The following PXDN variants were observed in gnomAD, a reference collection of about 807,000 sequenced individuals.
The protein encoded by PXDN is peroxidasin homolog.
A neutral mutation model predicts 140.3 loss-of-function variants in PXDN; 77 were observed. The ratio of observed to expected loss-of-function variants is 0.55; its 90% confidence interval spans 0.46 to 0.66. PXDN has a LOEUF of 0.66. Ranked by LOEUF, PXDN falls within the 30% of genes least tolerant of loss-of-function variation. PXDN has a pLI of 0.00. For synonymous variants in PXDN, 911 were observed against 857.4 expected, an observed-to-expected ratio of 1.06 and a Z score of -1.09; for missense variants, 1,838 against 2,039.5, an observed-to-expected ratio of 0.90 and a Z score of 1.90.
At position 1,648,800 on chromosome 2, in the gene PXDN, C is replaced by T. The variant is rs774337165; in HGVS notation, c.2980G>A (p.Glu994Lys). 2.9e-5 allele frequency: 47 copies of T among 1,602,554 alleles called. No individual in the cohort carries two copies. The highest frequency in any genetic ancestry group is 3.8e-5 in the Non-Finnish European group (45 of 1,175,838). Residue 994 changes from glutamate (E) to lysine (K), a missense_variant, in exon 17 of 23, where the codon GAG becomes AAG. By Grantham distance (56) the Glu-to-Lys change is moderately conservative. This residue lies in a region of PXDN where 850 missense variants were observed against 894.1 expected (regional missense o/e 0.95). Coordinates refer to ENST00000252804, the MANE Select transcript of PXDN (RefSeq NM_012293.3). This position sits in a 1 kb window ranked among gnomAD's most constrained non-coding sequence, Gnocchi z 8.9. Reference sequence around the variant, plus strand: ...AGCTCCGTGGCAATGCGGTTGTGCTCGCGGAACCACAGCGTGTGCATGCTG... The same window carrying T: ...AGCTCCGTGGCAATGCGGTTGTGCTTGCGGAACCACAGCGTGTGCATGCTG... ...LTSMHTLWFREHNRIATELLK... is the reference protein window; with the variant it reads ...LTSMHTLWFRKHNRIATELLK...
At chr2:1,686,967 C>A (rs1331165028) in intron 4 of PXDN, among the ~76,000 whole-genome samples, 1 of 152,014 alleles carries the variant, frequency 6.6e-6, no homozygotes, top group Non-Finnish European at 1.5e-5. Context: ...GCTCAGTTTG[C>A]CGAGTGAAAG....
intron 6 of PXDN, among the ~76,000 whole-genome samples, chr2:1,682,688 C>T (rs1278823092): frequency 6.6e-6 from 1 of 152,166 alleles, no homozygotes; most frequent in East Asian, 1.9e-4. Flanking sequence ...GCCTGTAATC[C>T]CAGCAGTTTG....
intron 9 of PXDN, among the ~76,000 whole-genome samples, chr2:1,668,395 A>C (rs1174449768): frequency 6.6e-6 from 1 of 152,198 alleles, no homozygotes; most frequent in South Asian, 2.1e-4. Flanking sequence ...GGCATGGGCA[A>C]AGACTTTGTG....
intron 1 of PXDN, 94 bp downstream of exon 1, chr2:1,744,135 GCCCCCCGCGCGCCCGATGCCCCCTCCA>G (rs1369154493): frequency 2.8e-6 from 3 of 1,057,734 alleles, no homozygotes; most frequent in Non-Finnish European, 3.7e-6. Context: ...AAGTCCCCAG[GCCCCCCGCGCGCCCGATGCCCCCTCCA>G]CCCTCCGCGC....
intron 1 of PXDN, among the ~76,000 whole-genome samples, chr2:1,720,181 GAGATGCAC>G (rs1464776994): frequency 1.5e-4 from 10 of 68,874 alleles, no homozygotes; most frequent in Non-Finnish European, 2.3e-4. Context: ...CAGAGAGAGA[GAGATGCAC>G]AGAGAGAGGG....
At chr2:1,673,524 G>A in intron 9 of PXDN, 119 bp downstream of exon 9, 6 of 1,343,602 alleles carry the variant, frequency 4.5e-6, no homozygotes, top group Non-Finnish European at 2.1e-6. Context: ...CCTGGTACTG[G>A]AGCTTCAACT....
At chr2:1,654,311 A>G in intron 15 of PXDN, 89 bp downstream of exon 15, 1 of 877,442 alleles carries the variant, frequency 1.1e-6, no homozygotes, top group African/African-American at 1.7e-5. Flanking sequence ...AAATTCATAT[A>G]TTAGAACTGC....
intron 1 of PXDN, among the ~76,000 whole-genome samples, chr2:1,693,680 T>C (rs1684232800): frequency 6.6e-6 from 1 of 152,248 alleles, no homozygotes; most frequent in Non-Finnish European, 1.5e-5. Flanking sequence ...GGTTTTACCC[T>C]AATGGTTCCA....
At chr2:1,656,533 A>AGCTGCCCTCTCCTGACAGAAG (rs1683137013) in intron 14 of PXDN, among the ~76,000 whole-genome samples, 1 of 152,024 alleles carries the variant, frequency 6.6e-6, no homozygotes, top group Non-Finnish European at 1.5e-5. Flanking sequence ...CCTGACAGAA[A>AGCTGCCCTCTCCTGACAGAAG]GCTGCCCCCT....
intron 12 of PXDN, among the ~76,000 whole-genome samples, chr2:1,662,838 C>T (rs1182952921): frequency 6.6e-6 from 1 of 152,176 alleles, no homozygotes; most frequent in Non-Finnish European, 1.5e-5. Flanking sequence ...CTCAGGACAG[C>T]CCCAAAGTGA....
At chr2:1,734,783 C>T (rs1685393602) in intron 1 of PXDN, among the ~76,000 whole-genome samples, 1 of 152,216 alleles carries the variant, frequency 6.6e-6, no homozygotes, top group Admixed American at 6.5e-5. Flanking sequence ...AGGAAAATCA[C>T]TTGAACCTGG....
In PXDN at chr2:1,666,438, C is replaced by G. The variant is rs866761760; in HGVS notation, c.1067G>C (p.Gly356Ala). Residue 356 changes from glycine to alanine, a missense_variant, in exon 10 of 23, where the codon GGG (glycine) becomes GCG (alanine). Physicochemically the swap from Gly to Ala is moderately conservative, Grantham distance 60. Coordinates refer to ENST00000252804, the MANE Select transcript of PXDN (RefSeq NM_012293.3). ...GCTGCACTCCAGCGTGACGCTCTCC[C>G]CAACCAGCACCTCTGTATTCTGTGG... ...IQPQNTEVLV[G>A]ESVTLECSAT... 10 of 1,612,622 alleles carry G rather than the reference C, an allele frequency of 6.2e-6. No homozygotes were observed. In the East Asian group the frequency reaches 1.6e-4, roughly 25 times the overall value.
Position 1,635,534 on chromosome 2 carries a change from A to C in PXDN, c.4207-13T>G. On this transcript the variant is annotated splice_polypyrimidine_tract_variant and intron_variant, in intron 21 of 22. Transcript: ENST00000252804. ...CAAGTTTCTTTATCTGCAGCAATGCAAAGAACATTCATTCATTGGGCACTT... is the reference window on the plus strand; with the variant it reads ...CAAGTTTCTTTATCTGCAGCAATGCCAAGAACATTCATTCATTGGGCACTT... The C allele has an allele frequency of 6.4e-7, 1 of 1,558,740 alleles. No homozygotes were observed. Among genetic ancestry groups the C allele is most frequent in the Admixed American group, 1.9e-5 (1 of 53,014 alleles).
At chr2:1,679,751 TGCGTGTGTGTGGTTTGTATCTGC>T in intron 7 of PXDN, among the ~76,000 whole-genome samples, 1 of 149,874 alleles carries the variant, frequency 6.7e-6, no homozygotes, top group African/African-American at 2.5e-5. Context: ...TGCGTGTATG[TGCGTGTGTGTGGTTTGTATCTGC>T]ATGTGTGTGT....
rs1406136930 is a variant in PXDN at position 1,728,210 on chromosome 2, T to C, written c.200+16046A>G. Among the ~76,000 whole-genome samples the C allele has an allele frequency of 3.3e-5, 5 of 152,354 alleles. No homozygotes were observed. In the East Asian group the frequency reaches 9.6e-4, roughly 29 times the overall value. ...GCCTCAGCCTCCCAAAGTGCTGGGA[T>C]TACAAGCGTGAGCCACTGCACCCAG... is the stretch of plus-strand genomic sequence containing the variant. On this transcript the variant is annotated intron_variant, in intron 1 of 22. Transcript: ENST00000252804.
intron 19 of PXDN, among the ~76,000 whole-genome samples, chr2:1,641,533 T>C (rs1390546640): frequency 1.3e-5 from 2 of 152,252 alleles, no homozygotes; most frequent in South Asian, 2.1e-4. Context: ...TGTTTTCGTA[T>C]TTTTCTGCTG....
intron 7 of PXDN, among the ~76,000 whole-genome samples, chr2:1,679,785 CTA>C (rs1303673315): frequency 2.3e-5 from 3 of 131,222 alleles, no homozygotes; most frequent in South Asian, 2.4e-4. Context: ...ATGTGTGTGT[CTA>C]TAAATGGTGT....
At chr2:1,643,091 A>G (rs1315069109) in intron 19 of PXDN, among the ~76,000 whole-genome samples, 1 of 152,228 alleles carries the variant, frequency 6.6e-6, no homozygotes, top group African/African-American at 2.4e-5. Context: ...TTAGGGGCAC[A>G]TCTTGCTGAA....
At position 1,685,265 on chromosome 2, in the gene PXDN, C is replaced by T. The variant is rs1191805655; in HGVS notation, c.417-1114G>A. ...TGCCCCGGGACAGGTCTGTGCTCAG[C>T]ACTCCGCGCACGAATGGGAAACGTG... On this transcript the variant is annotated intron_variant, in intron 4 of 22. Coordinates refer to ENST00000252804, the MANE Select transcript of PXDN (RefSeq NM_012293.3). This position sits in a 1 kb window ranked among gnomAD's most constrained non-coding sequence, Gnocchi z 5.1. Among the ~76,000 whole-genome samples the T allele has an allele frequency of 1.3e-5, 2 of 152,240 alleles. No individual in the cohort carries two copies. Among genetic ancestry groups the T allele is most frequent in the African/African-American group, 4.8e-5 (2 of 41,470 alleles).
Sources: allele counts gnomAD v4.1 joint callset (sites outside exome capture counted in the v4.1 genomes callset), GRCh38; gene constraint gnomAD v4.1.1; regional missense constraint gnomAD v4.1.1; non-coding constraint Gnocchi (gnomAD v3.1); transcripts MANE v1.5; gene names NCBI Gene and HGNC (gene_info 2026-07-23, HGNC 2026-07-21).